DTYMK: variants seen among roughly 807,000 people sequenced by gnomAD.
The protein encoded by DTYMK is deoxythymidylate kinase.
DTYMK carries 20 observed loss-of-function variants against 20.3 expected under a neutral mutation model. That is an observed-to-expected ratio of 0.99 (90% confidence interval 0.69 to 1.43). DTYMK has a LOEUF of 1.43. DTYMK is among the 40% of genes most tolerant of loss of function. The pLI is 0.00. For missense variants in DTYMK, 320 were observed against 291.1 expected, an observed-to-expected ratio of 1.10 and a Z score of -0.72; for synonymous variants, 148 against 124.4, an observed-to-expected ratio of 1.19 and a Z score of -1.27.
At chr2:241,679,971 C>CCAA (rs1553575077) in intron 3 of DTYMK, among the ~76,000 whole-genome samples, 14 of 101,984 alleles carry the variant, frequency 1.4e-4, no homozygotes, top group African/African-American at 1.2e-4. Context: ...ACTGTCTCCC[C>CCAA]AAAAAAAAAA....
chr2:241,677,558 G>A (rs925431449), intron 4 of DTYMK, among the ~76,000 whole-genome samples: 10 of 152,384 alleles, frequency 6.6e-5, no homozygotes, highest in African/African-American at 1.4e-4. Flanking sequence ...GGCGCCCGAC[G>A]TGCCAGAAGC....
At chr2:241,682,328 C>G in intron 2 of DTYMK, 1 of 407,220 alleles carries the variant, frequency 2.5e-6, no homozygotes, top group South Asian at 1.7e-5. Flanking sequence ...GACACAGAGA[C>G]CCTGTCTAAA....
chr2:241,686,562 A>C, intron 1 of DTYMK, 92 bp downstream of exon 1: 1 of 1,387,324 alleles, frequency 7.2e-7, no homozygotes, highest in South Asian at 1.6e-5. Context: ...AGTTCACAGC[A>C]CGCCAGCCGC....
At chr2:241,685,031 T>TAAA in intron 2 of DTYMK, 1 of 144,210 alleles carries the variant, frequency 6.9e-6, no homozygotes, top group Non-Finnish European at 1.5e-5. Context: ...GACTCTACAT[T>TAAA]AAAAAAAAAA....
intron 2 of DTYMK, chr2:241,682,922 C>T (rs188907156): frequency 1.5e-4 from 23 of 155,988 alleles, no homozygotes; most frequent in Non-Finnish European, 2.9e-4. Flanking sequence ...GAAACTGTCT[C>T]GAGGAAAACA....
intron 1 of DTYMK, 63 bp from the exon 2 acceptor site, chr2:241,685,940 A>G: frequency 6.6e-7 from 1 of 1,526,696 alleles, no homozygotes; most frequent in Non-Finnish European, 9.0e-7. Context: ...ATATTACAAT[A>G]TAGTTTGGAC....
At chr2:241,684,164 T>C (rs552272795) in intron 2 of DTYMK, among the ~76,000 whole-genome samples, 1 of 152,286 alleles carries the variant, frequency 6.6e-6, no homozygotes, top group East Asian at 1.9e-4. Flanking sequence ...GGAGAATAGA[T>C]GGACACAAGA....
rs1327524722 is a variant in DTYMK, at chr2:241,680,079, A to G, written c.330+150T>C. 4 of 690,866 alleles carry G rather than the reference A, an allele frequency of 5.8e-6. No homozygotes were observed. In the East Asian group the frequency reaches 1.1e-4, roughly 19 times the overall value. The allele number at this position is 690,866 out of a possible 1,614,324, so 42.8% of individuals were successfully genotyped here. A position where few individuals can be genotyped will look rare whatever the true frequency, so the allele number is the denominator to read the frequency against. ...AATGTTTGCTCTTCTTATTGATAAA[A>G]CCAAATTAATCTAGCAAAGAGATAA... is the stretch of plus-strand genomic sequence containing the variant. On this transcript the variant is annotated intron_variant, in intron 3 of 4. Coordinates refer to ENST00000305784, the MANE Select transcript of DTYMK (RefSeq NM_012145.4).
intron 4 of DTYMK, among the ~76,000 whole-genome samples, chr2:241,677,000 G>A (rs1449737144): frequency 1.3e-5 from 2 of 152,254 alleles, no homozygotes; most frequent in East Asian, 1.9e-4. Flanking sequence ...GCACAATGGC[G>A]TGAACGGTGC....
At chr2:241,684,805 C>T (rs1171992028) in intron 2 of DTYMK, 3 of 443,068 alleles carry the variant, frequency 6.8e-6, no homozygotes, top group Non-Finnish European at 4.6e-6. Flanking sequence ...AACTCAGTTA[C>T]TAATGTATCA....
Position 241,680,210 on chromosome 2 carries a change from G to A in DTYMK, c.330+19C>T. 1 of 1,613,696 alleles carries A rather than the reference G, an allele frequency of 6.2e-7. No individual in the cohort carries two copies. The highest frequency in any genetic ancestry group is 8.5e-7 in the Non-Finnish European group (1 of 1,179,736). On this transcript the variant is annotated intron_variant, in intron 3 of 4. Coordinates refer to ENST00000305784, the MANE Select transcript of DTYMK (RefSeq NM_012145.4). ...CCACACATCTGTGCTCGCCTGACAG[G>A]AGGCCAAGTGGCACTCACCTCCTTG...
At chr2:241,684,067 C>G (rs563583452) in intron 2 of DTYMK, among the ~76,000 whole-genome samples, 14 of 151,588 alleles carry the variant, frequency 9.2e-5, no homozygotes, top group Non-Finnish European at 1.5e-5. Context: ...CAAAAAAAAC[C>G]AAAACAAAAC....
At chr2:241,686,577 A>C in intron 1 of DTYMK, 77 bp downstream of exon 1, 2 of 1,405,346 alleles carry the variant, frequency 1.4e-6, no homozygotes, top group South Asian at 3.1e-5. Flanking sequence ...AGCCGCAGAC[A>C]ACGAAGCGGA....
At chr2:241,678,152 C>A (rs1480463498) in intron 4 of DTYMK, among the ~76,000 whole-genome samples, 1 of 152,068 alleles carries the variant, frequency 6.6e-6, no homozygotes, top group African/African-American at 2.4e-5. Flanking sequence ...TGCCTGTAAT[C>A]CCAGCTACTC....
In DTYMK at chr2:241,686,425, C is replaced by CCGGGAGGCTGAGG. The variant is rs373456554; in HGVS notation, c.130+216_130+228dup. 2.5e-3 allele frequency among the ~76,000 whole-genome samples: 374 copies of CCGGGAGGCTGAGG among 152,286 alleles called. 1 individual carries two copies. The highest frequency in any genetic ancestry group is 8.4e-3 in the African/African-American group (349 of 41,558). On this transcript the variant is annotated intron_variant, in intron 1 of 4. Transcript: ENST00000305784. ...GGCGCGCGCCTATGTTCCCGGCTAC[C>CCGGGAGGCTGAGG]CGGGAGGCTGAGGCGGGAGGATCGC...
intron 2 of DTYMK, chr2:241,684,886 G>A (rs2069344019): frequency 2.5e-6 from 1 of 392,892 alleles, no homozygotes; most frequent in East Asian, 7.2e-5. Context: ...GGGAAGGCAG[G>A]GGTAGTATGT....
intron 3 of DTYMK, among the ~76,000 whole-genome samples, chr2:241,679,984 AAAAG>A (rs1369676075): frequency 6.6e-6 from 1 of 152,096 alleles, no homozygotes; most frequent in Non-Finnish European, 1.5e-5. Context: ...AAAAAAAAAA[AAAAG>A]CGTGTGGAAA....
At chr2:241,680,461 G>A in intron 2 of DTYMK, 142 bp from the exon 3 acceptor site, 1 of 756,686 alleles carries the variant, frequency 1.3e-6, no homozygotes, top group South Asian at 1.7e-5. Flanking sequence ...CGGATCACAA[G>A]GTCAGGAGAT....
At chr2:241,680,779 G>T (rs1254161940) in intron 2 of DTYMK, among the ~76,000 whole-genome samples, 1 of 152,142 alleles carries the variant, frequency 6.6e-6, no homozygotes, top group African/African-American at 2.4e-5. Context: ...AAAAGGTCTG[G>T]ATCTTCTCTA....
Sources: allele counts gnomAD v4.1 joint callset (sites outside exome capture counted in the v4.1 genomes callset), GRCh38; gene constraint gnomAD v4.1.1; transcripts MANE v1.5; gene names NCBI Gene and HGNC (gene_info 2026-07-23, HGNC 2026-07-21).